Variants in NTRK3 observed in about 807,000 individuals in gnomAD.
NTRK3 encodes the protein neurotrophic receptor tyrosine kinase 3, also known as NT-3 growth factor receptor.
In NTRK3, 24 loss-of-function variants were observed where a neutral mutation model predicts 91.7. That is an observed-to-expected ratio of 0.26 (90% CI 0.19 to 0.37). The LOEUF (loss-of-function observed/expected upper bound fraction) is 0.37. Among genes scored for constraint, NTRK3 ranks in the 10% least tolerant of loss-of-function variants. NTRK3 has a pLI of 1.00. For missense variants in NTRK3, 880 were observed against 1,068.9 expected (o/e 0.82, Z 2.46); for synonymous variants, 483 against 404.0 (o/e 1.20, Z -2.34).
chr15:88,172,145 G>A (rs1164780042), intron 5 of NTRK3, among the ~76,000 whole-genome samples: 2 of 152,142 alleles, frequency 1.3e-5, no homozygotes, highest in African/African-American at 4.8e-5. Flanking sequence ...GAGGCCTCTT[G>A]GACCCAAGGC....
At chr15:88,250,361 T>A (rs893393418) in intron 3 of NTRK3, among the ~76,000 whole-genome samples, 6 of 152,248 alleles carry the variant, frequency 3.9e-5, no homozygotes, top group African/African-American at 1.4e-4. Flanking sequence ...ATGGGACTGT[T>A]AAGCTCTGCT....
intron 5 of NTRK3, among the ~76,000 whole-genome samples, chr15:88,175,625 T>G (rs1284787799): frequency 6.6e-6 from 1 of 152,190 alleles, no homozygotes; most frequent in Non-Finnish European, 1.5e-5. Context: ...CTATTTATAT[T>G]TGTACGTTCC....
chr15:88,248,345 G>A (rs2053035868), intron 3 of NTRK3, among the ~76,000 whole-genome samples: 1 of 152,182 alleles, frequency 6.6e-6, no homozygotes. Context: ...CTGGGACAGT[G>A]TTGGCCACAC....
At chr15:87,920,582 C>G (rs1342972137) in intron 17 of NTRK3, among the ~76,000 whole-genome samples, 4 of 152,198 alleles carry the variant, frequency 2.6e-5, no homozygotes, top group African/African-American at 9.6e-5. Flanking sequence ...CCAGCCCTGT[C>G]CACTTGCTAT....
chr15:88,253,264 C>A (rs2053619637), intron 3 of NTRK3: 1 of 152,232 alleles, frequency 6.6e-6, no homozygotes, highest in Admixed American at 6.5e-5. Flanking sequence ...CGGGCTTCAA[C>A]TGAAGCCCTC....
intron 17 of NTRK3, among the ~76,000 whole-genome samples, chr15:87,920,968 T>C (rs997696045): frequency 6.6e-5 from 10 of 152,166 alleles, no homozygotes; most frequent in Admixed American, 5.9e-4. Flanking sequence ...TGTAGTTTAG[T>C]TAATAATTTG....
chr15:88,067,661 T>C (rs902175183), intron 13 of NTRK3, among the ~76,000 whole-genome samples: 1 of 152,146 alleles, frequency 6.6e-6, no homozygotes, highest in East Asian at 1.9e-4. Flanking sequence ...CTGCCCTGGA[T>C]GAGTCCACCC....
At chr15:88,168,273 T>C (rs2045176852) in intron 5 of NTRK3, among the ~76,000 whole-genome samples, 1 of 152,072 alleles carries the variant, frequency 6.6e-6, no homozygotes, top group Admixed American at 6.5e-5. Context: ...TAAGGGGTCT[T>C]CCTAGTCACT....
chr15:87,991,963 C>T (rs999752137), intron 14 of NTRK3, among the ~76,000 whole-genome samples: 1 of 151,680 alleles, frequency 6.6e-6, no homozygotes, highest in Non-Finnish European at 1.5e-5. Flanking sequence ...GTATCTGGCA[C>T]ATGGCACACA....
chr15:87,873,408 G>T (rs2064874159), exon 19 of NTRK3: 1 of 230,548 alleles, frequency 4.3e-6, no homozygotes, highest in Non-Finnish European at 8.6e-6. Context: ...GAATTGGGAG[G>T]TCCCATGGCC....
chr15:88,074,296 T>A (rs1284176180), intron 13 of NTRK3, among the ~76,000 whole-genome samples: 1 of 152,220 alleles, frequency 6.6e-6, no homozygotes, highest in Admixed American at 6.5e-5. Context: ...GCTCCATCCA[T>A]TAGAATGATG....
rs902901785 is a variant in NTRK3, at chr15:87,916,317, A to AT, written c.2133+12873_2133+12874insA. 1.8e-4 allele frequency: 76 copies of AT among 416,542 alleles called. 1 individual carries two copies. The Middle Eastern group carries it at 4.8e-3, about 26-fold the overall frequency. The allele number at this position is 416,542 out of a possible 1,614,324, so 25.8% of individuals were successfully genotyped here. The stretch of plus-strand genomic sequence containing the variant: ...ATTCAGTTTGTCTCAGGAAAAAAAA[A>AT]AAAAAGGCCTTTTGCACTTGAGGAA... On this transcript the variant is annotated intron_variant, in intron 17 of 18. Transcript: ENST00000394480.
intron 14 of NTRK3, among the ~76,000 whole-genome samples, chr15:88,020,055 G>A (rs567116458): frequency 1.3e-5 from 2 of 152,328 alleles, no homozygotes; most frequent in East Asian, 1.9e-4. Flanking sequence ...TAAGCAGACA[G>A]ACATTGAAGC....
At chr15:87,860,846 A>ATCT (rs1360634127) in exon 19 of NTRK3, 2 of 217,594 alleles carry the variant, frequency 9.2e-6, no homozygotes, top group Non-Finnish European at 1.8e-5. Context: ...ATAAAATACA[A>ATCT]ATGAGGAACT....
At chr15:87,966,051 C>T (rs2072760545) in intron 14 of NTRK3, among the ~76,000 whole-genome samples, 1 of 151,650 alleles carries the variant, frequency 6.6e-6, no homozygotes, top group South Asian at 2.1e-4. Context: ...GCATTCCAGC[C>T]TGGATGATAG....
Position 87,876,759 on chromosome 15 carries a change from G to GTTT in NTRK3, c.*173_*175dup. On this transcript the variant is annotated 3_prime_UTR_variant, in exon 19 of 19. Transcript: ENST00000394480. The stretch of plus-strand genomic sequence containing the variant: ...TATATTTGCCAAACTGCCTTACAGG[G>GTTT]TTTTTTTTTCTTTCTTTTTTTTTCC... 7 of 557,026 alleles carry GTTT rather than the reference G, an allele frequency of 1.3e-5. No homozygotes were observed. The East Asian group carries it at 1.3e-4, about 11-fold the overall frequency. 34.5% of individuals were successfully genotyped at this position (557,026 alleles called of 1,614,324 possible).
chr15:87,893,059 G>A (rs1567077645), intron 17 of NTRK3, among the ~76,000 whole-genome samples: 1 of 152,166 alleles, frequency 6.6e-6, no homozygotes, highest in African/African-American at 2.4e-5. Context: ...AACTTAAGAT[G>A]TGCAACGGAC....
intron 17 of NTRK3, among the ~76,000 whole-genome samples, chr15:87,882,478 G>C (rs1327500121): frequency 6.6e-6 from 1 of 152,038 alleles, no homozygotes; most frequent in African/African-American, 2.4e-5. Context: ...GGTAGTAAAA[G>C]TAATACAATT....
chr15:88,230,959 A>G (rs1188680929), intron 3 of NTRK3, among the ~76,000 whole-genome samples: 1 of 152,194 alleles, frequency 6.6e-6, no homozygotes, highest in Non-Finnish European at 1.5e-5. Context: ...CTCTCAGAAC[A>G]TGGCCAAGTC....
Sources: gnomAD v4.1 joint callset for allele counts (sites outside exome capture counted in the v4.1 genomes callset) on GRCh38, gnomAD v4.1.1 for gene constraint, MANE v1.5 for transcripts, NCBI Gene and HGNC (gene_info 2026-07-23, HGNC 2026-07-21) for gene names.